The following CLEC4A variants were observed in gnomAD, a reference collection of about 807,000 sequenced individuals.
CLEC4A encodes C-type (calcium dependent, carbohydrate-recognition domain) lectin, superfamily member 6.
CLEC4A carries 27 observed loss-of-function variants against 32.7 expected under a neutral mutation model. The observed-to-expected ratio is 0.83, with a 90% CI of 0.61 to 1.14. The LOEUF is 1.14. Ranked by LOEUF, CLEC4A falls within the 50% of genes most tolerant of loss-of-function variation. The probability of loss-of-function intolerance (pLI) is 0.00; values close to 1 mark genes in which losing one functional copy is unlikely to be tolerated. For missense variants in CLEC4A, 253 were observed against 274.6 expected (o/e 0.92, Z 0.55); for synonymous variants, 89 against 93.7 (o/e 0.95, Z 0.29).
chr12:8,113,984 A>T, the CLEC4A span, among the ~76,000 whole-genome samples: 15 of 152,276 alleles, frequency 9.9e-5, no homozygotes, highest in South Asian at 2.7e-3. Flanking sequence ...TTTGTTCTGT[A>T]CAGGGGGCAT....
chr12:8,118,950 A>G (rs1365517255), upstream of CLEC4A, among the ~76,000 whole-genome samples: 1 of 152,200 alleles, frequency 6.6e-6, no homozygotes, highest in Non-Finnish European at 1.5e-5. Flanking sequence ...TCCTCCCCTT[A>G]GAAGATACAA....
At chr12:8,135,469 T>A in intron 3 of CLEC4A, 116 bp from the exon 4 acceptor site, 1 of 1,006,080 alleles carries the variant, frequency 9.9e-7, no homozygotes, top group Non-Finnish European at 1.4e-6. Context: ...TGCATCTGAG[T>A]GTGGAGGGGA....
chr12:8,112,782 C>A, the CLEC4A span, among the ~76,000 whole-genome samples: 1 of 152,034 alleles, frequency 6.6e-6, no homozygotes, highest in Admixed American at 6.6e-5. Context: ...TCAGAGTCTC[C>A]TTTATATCCT....
chr12:8,110,948 A>G, the CLEC4A span, among the ~76,000 whole-genome samples: 1 of 150,858 alleles, frequency 6.6e-6, no homozygotes, highest in Non-Finnish European at 1.5e-5. Flanking sequence ...ATCTCCGCTC[A>G]CTACAAGCTC....
At chr12:8,107,631 G>A in the CLEC4A span, among the ~76,000 whole-genome samples, 1 of 152,022 alleles carries the variant, frequency 6.6e-6, no homozygotes, top group South Asian at 2.1e-4. Flanking sequence ...CCAAGAATTT[G>A]TCCATTTCTA....
upstream of CLEC4A, among the ~76,000 whole-genome samples, chr12:8,122,788 G>T (rs1947845383): frequency 6.6e-6 from 1 of 152,060 alleles, no homozygotes; most frequent in Non-Finnish European, 1.5e-5. Flanking sequence ...TTTAGATATA[G>T]AAATAATATA....
In CLEC4A at chr12:8,134,864, C is replaced by T. The variant is rs535101486; in HGVS notation, c.299-721C>T. On this transcript the variant is annotated intron_variant, in intron 3 of 5. Coordinates refer to ENST00000229332, the MANE Select transcript of CLEC4A (RefSeq NM_016184.4). ...GGTGTCCCGCCATGGGGAAGGAAGG[C>T]GCCCCAAGCATGGTGAAATCTTGGT... 2.4e-3 allele frequency: 3,620 copies of T among 1,528,200 alleles called. 5 individuals carry two copies. Among genetic ancestry groups the T allele is most frequent in the Non-Finnish European group, 2.9e-3 (3,335 of 1,135,750 alleles). 94.7% of individuals were successfully genotyped at this position (1,528,200 alleles called of 1,614,324 possible). A position where few individuals can be genotyped will look rare whatever the true frequency, so the allele number is the denominator to read the frequency against.
rs11043532 is a variant in CLEC4A, at chr12:8,138,508, G to A, written c.*221G>A. 21,316 of 481,720 alleles carry A rather than the reference G, an allele frequency of 0.044. 3,241 individuals are homozygous for A. Among genetic ancestry groups the A allele is most frequent in the African/African-American group, 0.35 (17,410 of 49,498 alleles). The allele number at this position is 481,720 out of a possible 1,614,324, so 29.8% of individuals were successfully genotyped here. The stretch of plus-strand genomic sequence containing the variant: ...TCATGTGCCAGAGCCTGTACTGGAG[G>A]CCCCCATTGTGCACACATGGAGAGA... On this transcript the variant is annotated 3_prime_UTR_variant, in exon 6 of 6. Transcript: ENST00000229332.
At position 8,123,781 on chromosome 12, in the gene CLEC4A, G is replaced by C; in HGVS notation, c.-98G>C. The C allele has an allele frequency of 2.6e-6, 2 of 778,096 alleles. No homozygotes were observed. Among genetic ancestry groups the C allele is most frequent in the Non-Finnish European group, 4.4e-6 (2 of 449,628 alleles). The allele number at this position is 778,096 out of a possible 1,614,324, so 48.2% of individuals were successfully genotyped here. ...CTCTCCACTAGTTGAGTGAAAGGAA[G>C]GAGGTAATTTACCACCATGTTTGGT... On this transcript the variant is annotated 5_prime_UTR_variant, in exon 1 of 6. Coordinates refer to ENST00000229332, the MANE Select transcript of CLEC4A (RefSeq NM_016184.4).
At chr12:8,134,726 A>T (rs1158730197) in intron 3 of CLEC4A, 2 of 1,565,606 alleles carry the variant, frequency 1.3e-6, no homozygotes, top group Non-Finnish European at 1.7e-6. Flanking sequence ...CTGGCCCTCC[A>T]GGAGGGCCTT....
the CLEC4A span, among the ~76,000 whole-genome samples, chr12:8,105,615 A>T: frequency 6.6e-6 from 1 of 151,844 alleles, no homozygotes; most frequent in Non-Finnish European, 1.5e-5. Context: ...CTCCCAAAGT[A>T]CTGGGATTAC....
the CLEC4A span, among the ~76,000 whole-genome samples, chr12:8,114,337 C>T: frequency 9.9e-5 from 15 of 152,058 alleles, no homozygotes; most frequent in South Asian, 2.5e-3. Flanking sequence ...CTCTGCCTCC[C>T]GGGTTCACGC....
the CLEC4A span, among the ~76,000 whole-genome samples, chr12:8,109,134 T>C: frequency 1.3e-5 from 2 of 152,116 alleles, no homozygotes; most frequent in African/African-American, 2.4e-5. Context: ...GGGGAAGCAT[T>C]TAAAAAGAAA....
the CLEC4A span, among the ~76,000 whole-genome samples, chr12:8,107,697 G>A: frequency 1.3e-5 from 2 of 150,552 alleles, no homozygotes; most frequent in African/African-American, 4.9e-5. Flanking sequence ...AGTCTCTGAG[G>A]GTTTTTTGTA....
chr12:8,136,166 A>G (rs1948113079), intron 4 of CLEC4A, among the ~76,000 whole-genome samples: 1 of 152,258 alleles, frequency 6.6e-6, no homozygotes, highest in Non-Finnish European at 1.5e-5. Context: ...AAAATGACTG[A>G]ATCTGCCAAA....
At position 8,135,633 on chromosome 12, in the gene CLEC4A, ACTG is replaced by A; in HGVS notation, c.350_352del (p.Cys117del). 2 of 1,614,208 alleles carry A rather than the reference ACTG, an allele frequency of 1.2e-6. No individual in the cohort carries two copies. The highest frequency in any genetic ancestry group is 1.7e-6 in the Non-Finnish European group (2 of 1,180,024). ...AAGAATTGGAAGTCATTTAGTTCCA[ACTG>A]CTACTTTATTTCTACTGAATCAGCA... On this transcript the variant is annotated inframe_deletion, in exon 4 of 6. Coordinates refer to ENST00000229332, the MANE Select transcript of CLEC4A (RefSeq NM_016184.4).
the CLEC4A span, among the ~76,000 whole-genome samples, chr12:8,110,750 CACATGATAAAG>C: frequency 1.3e-5 from 2 of 152,204 alleles, no homozygotes; most frequent in Non-Finnish European, 2.9e-5. Context: ...CAGTGTTTGT[CACATGATAAAG>C]ACATGATAAA....
At chr12:8,109,586 C>A in the CLEC4A span, among the ~76,000 whole-genome samples, 1 of 152,144 alleles carries the variant, frequency 6.6e-6, no homozygotes, top group African/African-American at 2.4e-5. Flanking sequence ...CATGGTGGCT[C>A]ACTTCTGTAA....
chr12:8,134,402 G>A (rs1565405838), intron 3 of CLEC4A: 1 of 1,613,802 alleles, frequency 6.2e-7, no homozygotes. Flanking sequence ...TCAGGAGCTT[G>A]GCAAATTGCT....
Sources: allele counts gnomAD v4.1 joint callset (sites outside exome capture counted in the v4.1 genomes callset), GRCh38; gene constraint gnomAD v4.1.1; transcripts MANE v1.5; gene names NCBI Gene and HGNC (gene_info 2026-07-23, HGNC 2026-07-21).